NRXN1: variants seen among roughly 807,000 people sequenced by gnomAD.
NRXN1 encodes the protein neurexin 1.
A neutral mutation model predicts 150.9 loss-of-function variants in NRXN1; 39 were observed. The observed-to-expected ratio is 0.26, with a 90% CI of 0.20 to 0.34. NRXN1 has a LOEUF of 0.34. NRXN1 is among the 10% of genes least tolerant of loss of function. The pLI, the probability that NRXN1 is intolerant of heterozygous loss-of-function variation, is 1.00. For missense variants in NRXN1, 1,815 were observed against 1,949.9 expected (o/e 0.93, Z 1.30); for synonymous variants, 924 against 757.0 (o/e 1.22, Z -3.62).
chr2:50,013,273 CTTTTTT>C (rs3046630), intron 21 of NRXN1, among the ~76,000 whole-genome samples: 1 of 136,152 alleles, frequency 7.3e-6, no homozygotes, highest in East Asian at 2.2e-4. Flanking sequence ...ATTAAAGTTT[CTTTTTT>C]TTTTTTTGGA....
intron 17 of NRXN1, among the ~76,000 whole-genome samples, chr2:50,325,002 G>T (rs979393681): frequency 2.6e-5 from 4 of 152,164 alleles, no homozygotes; most frequent in African/African-American, 7.2e-5. Flanking sequence ...GCCCACCATG[G>T]GTTTAAAAAT....
At chr2:50,050,695 G>A (rs1177310185) in intron 21 of NRXN1, among the ~76,000 whole-genome samples, 1 of 151,896 alleles carries the variant, frequency 6.6e-6, no homozygotes, top group Non-Finnish European at 1.5e-5. Context: ...ACTGTATTTA[G>A]AGGACAATTG....
At chr2:50,785,402 C>T (rs1173915862) in intron 5 of NRXN1, among the ~76,000 whole-genome samples, 2 of 151,938 alleles carry the variant, frequency 1.3e-5, no homozygotes, top group Non-Finnish European at 2.9e-5. Context: ...GCACCTGCCA[C>T]CACGCCTGGG....
chr2:50,266,558 CACACACACACACACAT>C (rs2068915266), intron 17 of NRXN1, among the ~76,000 whole-genome samples: 1 of 52,322 alleles, frequency 1.9e-5, no homozygotes, highest in Non-Finnish European at 4.4e-5. Context: ...CACACACACA[CACACACACACACACAT>C]ATTTTCTTTC....
rs565030770 is a variant in NRXN1 at position 50,422,412 on chromosome 2, A to T, written c.3364+43030T>A. ...GAGAAAGACAACCATGAAAATAAAT[A>T]AAAATAAAATTGTTTGCATTAGAAC... is the stretch of plus-strand genomic sequence containing the variant. On this transcript the variant is annotated intron_variant, in intron 17 of 22. Transcript: ENST00000401669. 2.6e-5 allele frequency among the ~76,000 whole-genome samples: 4 copies of T among 152,300 alleles called. No individual in the cohort carries two copies. In the South Asian group the frequency reaches 8.3e-4, roughly 32 times the overall value.
chr2:49,952,800 A>T (rs988728722), intron 21 of NRXN1, among the ~76,000 whole-genome samples: 1 of 152,118 alleles, frequency 6.6e-6, no homozygotes, highest in Non-Finnish European at 1.5e-5. Flanking sequence ...TGTCTTCACA[A>T]TGTAAGTGCC....
At chr2:50,082,251 C>T (rs984506736) in intron 19 of NRXN1, among the ~76,000 whole-genome samples, 4 of 152,180 alleles carry the variant, frequency 2.6e-5, no homozygotes, top group African/African-American at 9.7e-5. Flanking sequence ...TCAAGACAAT[C>T]TCAGCCAATA....
At chr2:50,175,120 T>G (rs886773774) in intron 18 of NRXN1, 9 of 152,190 alleles carry the variant, frequency 5.9e-5, no homozygotes, top group African/African-American at 2.2e-4. Context: ...ATGGGCCTCA[T>G]GATCCAATGC....
intron 8 of NRXN1, among the ~76,000 whole-genome samples, chr2:50,571,987 C>CT (rs543886899): frequency 1.0e-3 from 156 of 152,174 alleles, no homozygotes; most frequent in African/African-American, 3.6e-3. Context: ...GCAGGGTACT[C>CT]TATCAGTCAA....
chr2:49,951,791 T>G (rs1340084441), intron 21 of NRXN1, among the ~76,000 whole-genome samples: 1 of 151,996 alleles, frequency 6.6e-6, no homozygotes, highest in African/African-American at 2.4e-5. Context: ...GTCCTATTAA[T>G]GGATTGGTGG....
chr2:50,250,981 GTAA>G (rs1286212651), intron 17 of NRXN1, among the ~76,000 whole-genome samples: 2 of 147,278 alleles, frequency 1.4e-5, no homozygotes, highest in African/African-American at 5.0e-5. Flanking sequence ...CATTGCATAT[GTAA>G]TAAATTTATT....
At chr2:50,220,992 C>A (rs2063839913) in intron 18 of NRXN1, among the ~76,000 whole-genome samples, 1 of 151,992 alleles carries the variant, frequency 6.6e-6, no homozygotes, top group African/African-American at 2.4e-5. Flanking sequence ...AATTTTCTTG[C>A]TAATCTCGTG....
chr2:50,291,655 G>C (rs545383070), intron 17 of NRXN1, among the ~76,000 whole-genome samples: 6 of 152,272 alleles, frequency 3.9e-5, no homozygotes, highest in South Asian at 4.1e-4. Context: ...TGAGTGTCCT[G>C]CTCTCTCAGA....
At chr2:50,898,770 C>A (rs1211640158) in intron 5 of NRXN1, among the ~76,000 whole-genome samples, 1 of 151,750 alleles carries the variant, frequency 6.6e-6, no homozygotes, top group Non-Finnish European at 1.5e-5. Flanking sequence ...TGTTGATGGA[C>A]ATCATTAACA....
intron 15 of NRXN1, among the ~76,000 whole-genome samples, chr2:50,484,743 G>T (rs1003213691): frequency 6.6e-6 from 1 of 152,218 alleles, no homozygotes; most frequent in African/African-American, 2.4e-5. Flanking sequence ...TAGATGCTAT[G>T]CAAGGCATTG....
At chr2:51,017,441 T>C (rs531024248) in intron 2 of NRXN1, among the ~76,000 whole-genome samples, 1 of 140,008 alleles carries the variant, frequency 7.1e-6, no homozygotes, top group Non-Finnish European at 1.5e-5. Context: ...GATCAAGCAA[T>C]CTTCACACCT....
At chr2:50,546,323 T>G (rs2093493179) in intron 9 of NRXN1, among the ~76,000 whole-genome samples, 1 of 152,162 alleles carries the variant, frequency 6.6e-6, no homozygotes, top group African/African-American at 2.4e-5. Flanking sequence ...GTTCAGAAGA[T>G]TACTGCTAAT....
Position 50,026,172 on chromosome 2 carries a change from C to T in NRXN1, c.4128+27099G>A, listed in dbSNP as rs114142750. The stretch of plus-strand genomic sequence containing the variant: ...ACTCATGTTTCTACCATCCCAAGTC[C>T]GGACTCTGTCTACAAGAGTAGAAAA... On this transcript the variant is annotated intron_variant, in intron 21 of 22. Transcript: ENST00000401669. Among the ~76,000 whole-genome samples the T allele has an allele frequency of 4.4e-3, 675 of 152,280 alleles. 3 individuals are homozygous for T. The highest frequency in any genetic ancestry group is 0.02 in the Middle Eastern group (6 of 294).
intron 8 of NRXN1, among the ~76,000 whole-genome samples, chr2:50,566,905 T>C (rs1325458674): frequency 6.6e-6 from 1 of 152,164 alleles, no homozygotes; most frequent in Admixed American, 6.5e-5. Context: ...CTTTCGTGTA[T>C]AGAAGTAAAG....
Sources: allele counts gnomAD v4.1 joint callset (sites outside exome capture counted in the v4.1 genomes callset), GRCh38; gene constraint gnomAD v4.1.1; transcripts MANE v1.5; gene names NCBI Gene and HGNC (gene_info 2026-07-23, HGNC 2026-07-21).